The following ARHGAP10 variants were observed in gnomAD, a reference collection of about 807,000 sequenced individuals.
ARHGAP10 encodes rho GTPase-activating protein 10.
ARHGAP10 carries 87 observed loss-of-function variants against 108.6 expected under a neutral mutation model. The ratio of observed to expected loss-of-function variants is 0.80; its 90% CI spans 0.67 to 0.96. The LOEUF is 0.96. ARHGAP10 is among the 40% of genes least tolerant of loss of function. The pLI, the probability that ARHGAP10 is intolerant of heterozygous loss-of-function variation, is 0.00. For missense variants in ARHGAP10, 939 were observed against 954.5 expected, an observed-to-expected ratio of 0.98 and a Z score of 0.21; for synonymous variants, 347 against 341.1, an observed-to-expected ratio of 1.02 and a Z score of -0.19.
At chr4:147,892,090 G>C (rs1241987372) in intron 10 of ARHGAP10, among the ~76,000 whole-genome samples, 3 of 152,092 alleles carry the variant, frequency 2.0e-5, no homozygotes, top group Non-Finnish European at 4.4e-5. Context: ...TATTATATTT[G>C]GTTTCATTTT....
chr4:148,013,769 T>G (rs188475557), intron 18 of ARHGAP10, among the ~76,000 whole-genome samples: 78 of 152,312 alleles, frequency 5.1e-4, no homozygotes, highest in African/African-American at 1.7e-3. Flanking sequence ...AGCATTCACG[T>G]TGGAAATTTC....
At chr4:147,898,839 G>A (rs1401335714) in intron 10 of ARHGAP10, among the ~76,000 whole-genome samples, 3 of 142,882 alleles carry the variant, frequency 2.1e-5, no homozygotes, top group Non-Finnish European at 3.1e-5. Context: ...GGTGGGGTGG[G>A]ATGGGTTGAG....
intron 13 of ARHGAP10, among the ~76,000 whole-genome samples, chr4:147,913,691 G>A (rs904202385): frequency 1.3e-5 from 2 of 152,150 alleles, no homozygotes; most frequent in Non-Finnish European, 2.9e-5. Context: ...GTCACATTCT[G>A]AGAAACTGGT....
rs184925396 is a variant in ARHGAP10 at position 147,983,368 on chromosome 4, G to A, written c.1716+16529G>A. Among the ~76,000 whole-genome samples the A allele has an allele frequency of 7.4e-3, 1,117 of 151,844 alleles. 19 individuals carry two copies. The highest frequency in any genetic ancestry group is 0.026 in the African/African-American group (1,077 of 41,426). On this transcript the variant is annotated intron_variant, in intron 18 of 22. Transcript: ENST00000336498. ...GCCCAGCTAATTTTTTGTATTTTTA[G>A]TAGAGACAGGGTTTCACCGTGTTAG...
Position 148,064,507 on chromosome 4 carries a change from G to C in ARHGAP10, c.2272G>C (p.Val758Leu). The C allele has an allele frequency of 6.2e-7, 1 of 1,613,814 alleles. No homozygotes were observed. The highest frequency in any genetic ancestry group is 8.5e-7 in the Non-Finnish European group (1 of 1,179,690). Residue 758 changes from valine (V) to leucine (L), a missense_variant and splice_region_variant, in exon 22 of 23, where the codon GTA (valine) becomes CTA (leucine). Transcript: ENST00000336498. ...SFEIGAIFED[V>L]QTSREPGWLE... ...TGAAATAGGAGCAATTTTTGAGGAT[G>C]GTAAGTGTTAGTGGGAGCTTCGTCT...
intron 13 of ARHGAP10, among the ~76,000 whole-genome samples, chr4:147,918,290 G>C (rs4240345): frequency 0.93 from 140,687 of 151,882 alleles, 65,186 homozygotes; most frequent in Middle Eastern, 0.95. Flanking sequence ...TGCCCGCCAC[G>C]AAGCCTGGCT....
In ARHGAP10 at chr4:148,072,208, T is replaced by C; in HGVS notation, c.*127T>C. On this transcript the variant is annotated 3_prime_UTR_variant, in exon 23 of 23. Coordinates refer to ENST00000336498, the MANE Select transcript of ARHGAP10 (RefSeq NM_024605.4). ...CCTCCACACTTGGGAGTTACCATCA[T>C]CACAGTCAGCCCTGGGGGTGGGGGG... 2.3e-5 allele frequency: 10 copies of C among 431,944 alleles called. No homozygotes were observed. The highest frequency in any genetic ancestry group is 2.9e-5 in the Non-Finnish European group (7 of 244,306). 26.8% of individuals were successfully genotyped at this position (431,944 alleles called of 1,614,324 possible).
At chr4:147,893,060 T>A (rs1487599058) in intron 10 of ARHGAP10, among the ~76,000 whole-genome samples, 3 of 150,290 alleles carry the variant, frequency 2.0e-5, no homozygotes, top group Non-Finnish European at 4.4e-5. Context: ...TGAATGGAAG[T>A]AAATTTTTTT....
At chr4:147,848,115 A>C (rs1035986582) in intron 4 of ARHGAP10, among the ~76,000 whole-genome samples, 1 of 151,742 alleles carries the variant, frequency 6.6e-6, no homozygotes, top group Non-Finnish European at 1.5e-5. Flanking sequence ...CTCTTCCTAA[A>C]AGAAATGACT....
chr4:147,864,085 A>G (rs968415199), intron 5 of ARHGAP10: 2 of 152,242 alleles, frequency 1.3e-5, no homozygotes, highest in African/African-American at 4.8e-5. Context: ...AAATTAGCTA[A>G]GTTAGGAAAA....
intron 16 of ARHGAP10, among the ~76,000 whole-genome samples, chr4:147,956,757 TTTTTC>T (rs1040007401): frequency 3.3e-5 from 5 of 151,894 alleles, no homozygotes; most frequent in African/African-American, 1.2e-4. Flanking sequence ...TTCCTTTTTT[TTTTTC>T]TTTTATTATT....
At chr4:148,037,743 G>A (rs1247317225) in intron 19 of ARHGAP10, among the ~76,000 whole-genome samples, 5 of 151,794 alleles carry the variant, frequency 3.3e-5, no homozygotes, top group Non-Finnish European at 4.4e-5. Context: ...GCTGAGGTAC[G>A]AGAATCGCTT....
intron 13 of ARHGAP10, among the ~76,000 whole-genome samples, chr4:147,934,103 A>G (rs529376752): frequency 1.7e-4 from 26 of 152,236 alleles, no homozygotes; most frequent in Non-Finnish European, 3.1e-4. Flanking sequence ...TCTCAGGTTC[A>G]CTGCTGAGAC....
intron 3 of ARHGAP10, among the ~76,000 whole-genome samples, chr4:147,828,478 T>C (rs1320604704): frequency 4.6e-5 from 7 of 152,288 alleles, no homozygotes; most frequent in South Asian, 4.1e-4. Flanking sequence ...TGCCACATGC[T>C]ATAAAGATAA....
intron 1 of ARHGAP10, among the ~76,000 whole-genome samples, chr4:147,805,607 A>AT (rs968079685): frequency 1.3e-5 from 2 of 152,114 alleles, no homozygotes; most frequent in African/African-American, 4.8e-5. Flanking sequence ...CCTTCTCTTC[A>AT]TTTTTTAAAA....
chr4:147,759,788 G>A (rs866272547), intron 1 of ARHGAP10, among the ~76,000 whole-genome samples: 5 of 151,928 alleles, frequency 3.3e-5, no homozygotes, highest in Non-Finnish European at 5.9e-5. Context: ...TCACCCTGTC[G>A]CCCAGGCTGG....
At chr4:147,846,224 C>T (rs1310914152) in intron 3 of ARHGAP10, among the ~76,000 whole-genome samples, 4 of 152,078 alleles carry the variant, frequency 2.6e-5, no homozygotes, top group Non-Finnish European at 4.4e-5. Context: ...CATAATGAAA[C>T]ACTGCTGAGG....
At chr4:147,766,836 A>ATATATATT (rs1729852960) in intron 1 of ARHGAP10, among the ~76,000 whole-genome samples, 2 of 43,622 alleles carry the variant, frequency 4.6e-5, no homozygotes, top group African/African-American at 1.5e-4. Flanking sequence ...ATATATATAT[A>ATATATATT]TATTTATTTA....
At chr4:147,936,031 C>T (rs913160897) in intron 13 of ARHGAP10, among the ~76,000 whole-genome samples, 2 of 152,088 alleles carry the variant, frequency 1.3e-5, no homozygotes, top group African/African-American at 2.4e-5. Flanking sequence ...TAATTCAGGC[C>T]GTTTTCACAG....
Sources: gnomAD v4.1 joint callset for allele counts (sites outside exome capture counted in the v4.1 genomes callset) on GRCh38, gnomAD v4.1.1 for gene constraint, MANE v1.5 for transcripts, NCBI Gene and HGNC (gene_info 2026-07-23, HGNC 2026-07-21) for gene names.